SIDT1: variants seen among roughly 807,000 people sequenced by gnomAD.
SIDT1 encodes the protein SID1 transmembrane family member 1.
A neutral mutation model predicts 107.5 loss-of-function variants in SIDT1; 101 were observed. The observed-to-expected ratio is 0.94, with a 90% CI of 0.80 to 1.11. The LOEUF is 1.11. SIDT1 is among the 50% of genes least tolerant of loss of function. The probability of loss-of-function intolerance (pLI) is 0.00; values close to 1 mark genes in which losing one functional copy is unlikely to be tolerated. For missense variants in SIDT1, 1,076 were observed against 1,058.2 expected, an observed-to-expected ratio of 1.02 and a Z score of -0.23; for synonymous variants, 395 against 398.2, an observed-to-expected ratio of 0.99 and a Z score of 0.10.
At chr3:113,553,656 A>G (rs2107671596) in intron 1 of SIDT1, among the ~76,000 whole-genome samples, 1 of 152,358 alleles carries the variant, frequency 6.6e-6, no homozygotes, top group Non-Finnish European at 1.5e-5. Flanking sequence ...GCACATTCAG[A>G]TACCTGCGAG....
chr3:113,609,617 A>G (rs555241735), intron 17 of SIDT1, among the ~76,000 whole-genome samples: 3 of 152,358 alleles, frequency 2.0e-5, no homozygotes, highest in African/African-American at 7.2e-5. Flanking sequence ...CTGTCTAGCA[A>G]GTAACGATGT....
intron 3 of SIDT1, among the ~76,000 whole-genome samples, chr3:113,576,055 TAA>T (rs1308434356): frequency 6.6e-6 from 1 of 152,188 alleles, no homozygotes; most frequent in African/African-American, 2.4e-5. Context: ...GTAGTCCTTA[TAA>T]AACTATAGAG....
chr3:113,567,593 A>T lies in SIDT1; in HGVS notation c.398A>T (p.Glu133Val), dbSNP rs765828384. Residue 133 changes from glutamate (E) to valine (V), a missense_variant, in exon 3 of 25, where the codon GAA becomes GTA. By Grantham distance (121) the Glu-to-Val change is moderately radical (BLOSUM62 -2). Coordinates refer to ENST00000264852, the MANE Select transcript of SIDT1 (RefSeq NM_017699.3). ...QEVSRTLCPS[E>V]ATNETGPLQQ... Reference sequence around the variant, plus strand: ...GTGAGCCGCACCTTATGTCCCTCAGAAGCAACCAATGAGACGGGACCCTTG... The same window carrying T: ...GTGAGCCGCACCTTATGTCCCTCAGTAGCAACCAATGAGACGGGACCCTTG... 2 of 1,614,130 alleles carry T rather than the reference A, an allele frequency of 1.2e-6. No homozygotes were observed. Among genetic ancestry groups the T allele is most frequent in the Admixed American group, 1.7e-5 (1 of 60,014 alleles).
At chr3:113,613,782 T>C (rs995404010) in intron 19 of SIDT1, among the ~76,000 whole-genome samples, 3 of 152,208 alleles carry the variant, frequency 2.0e-5, no homozygotes, top group Non-Finnish European at 2.9e-5. Context: ...CACTAATACA[T>C]AGAGGAGCTT....
chr3:113,559,239 C>G (rs1046951173), intron 1 of SIDT1, among the ~76,000 whole-genome samples: 2 of 152,204 alleles, frequency 1.3e-5, no homozygotes, highest in Non-Finnish European at 2.9e-5. Flanking sequence ...GTGAACTCAT[C>G]TTCAACTGTA....
intron 12 of SIDT1, among the ~76,000 whole-genome samples, chr3:113,603,500 C>T (rs62265529): frequency 0.2 from 29,915 of 152,110 alleles, 3,051 homozygotes; most frequent in Non-Finnish European, 0.21. Context: ...TGCATATCAT[C>T]TTTCAAAAGG....
intron 14 of SIDT1, 137 bp from the exon 15 acceptor site, chr3:113,606,904 C>T: frequency 1.7e-6 from 1 of 593,630 alleles, no homozygotes; most frequent in South Asian, 2.5e-5. Context: ...AATGGCCCAT[C>T]TGTGCAGAGG....
intron 10 of SIDT1, among the ~76,000 whole-genome samples, chr3:113,595,277 T>G (rs1158695745): frequency 6.6e-6 from 1 of 152,128 alleles, no homozygotes; most frequent in African/African-American, 2.4e-5. Context: ...TTGGGACAAC[T>G]AAAAATGCCT....
intron 1 of SIDT1, among the ~76,000 whole-genome samples, chr3:113,552,581 C>T (rs1047865689): frequency 2.0e-5 from 3 of 152,152 alleles, no homozygotes; most frequent in South Asian, 2.1e-4. Context: ...AGGGAGACTA[C>T]GCTGCAGGAA....
At chr3:113,615,092 C>T in intron 19 of SIDT1, 1 of 1,535,598 alleles carries the variant, frequency 6.5e-7, no homozygotes. Flanking sequence ...TGTTCAGCCA[C>T]CCTTTCCAGG....
chr3:113,541,066 C>T lies in SIDT1; in HGVS notation c.222+7823C>T, dbSNP rs563662579. ...GCATTGTTAGAGTATATAGCCATTA[C>T]GAGCTATATTGTCTTCCTTCTAACC... On this transcript the variant is annotated intron_variant, in intron 1 of 24. Transcript: ENST00000264852. 4.0e-5 allele frequency among the ~76,000 whole-genome samples: 6 copies of T among 151,708 alleles called. No individual in the cohort carries two copies. In the South Asian group the frequency reaches 6.2e-4, roughly 16 times the overall value.
At chr3:113,604,801 G>T in intron 13 of SIDT1, 109 bp from the exon 14 acceptor site, 4 of 1,285,996 alleles carry the variant, frequency 3.1e-6, no homozygotes, top group Admixed American at 1.8e-5. Context: ...GGTTACTTTT[G>T]CAAGTTAATT....
In SIDT1 at chr3:113,534,090, A is replaced by G. The variant is rs185744182; in HGVS notation, c.222+847A>G. On this transcript the variant is annotated intron_variant, in intron 1 of 24. Coordinates refer to ENST00000264852, the MANE Select transcript of SIDT1 (RefSeq NM_017699.3). ...GAGAGGGAGACAGAGAGAGAAAGAGAGAAAGAGAGACAGAGACAGAGACAG... is the reference window on the plus strand; with the variant it reads ...GAGAGGGAGACAGAGAGAGAAAGAGGGAAAGAGAGACAGAGACAGAGACAG... 4.6e-5 allele frequency among the ~76,000 whole-genome samples: 7 copies of G among 152,250 alleles called. No homozygotes were observed. In the East Asian group the frequency reaches 1.2e-3, roughly 25 times the overall value.
Position 113,608,225 on chromosome 3 carries a change from A to G in SIDT1, c.1602+8A>G. ...AAGGACATCTTTGCTGTGGTGAGGAAAGAGTGGGTAGGAGCTAGGAAGGGT... is the reference window on the plus strand; with the variant it reads ...AAGGACATCTTTGCTGTGGTGAGGAGAGAGTGGGTAGGAGCTAGGAAGGGT... On this transcript the variant is annotated splice_region_variant and intron_variant, in intron 16 of 24. Transcript: ENST00000264852. 1 of 1,580,644 alleles carries G rather than the reference A, an allele frequency of 6.3e-7. No homozygotes were observed. The highest frequency in any genetic ancestry group is 8.6e-7 in the Non-Finnish European group (1 of 1,163,012).
Position 113,567,639 on chromosome 3 carries a change from T to C in SIDT1, c.444T>C (p.Asp148=), listed in dbSNP as rs1248859743. 1.2e-6 allele frequency: 2 copies of C among 1,614,122 alleles called. No homozygotes were observed. Among genetic ancestry groups the C allele is most frequent in the African/African-American group, 1.3e-5 (1 of 75,022 alleles). The change falls in exon 3 of 25, where the codon GAT becomes GAC. Residue 148 remains aspartate, a synonymous_variant. Coordinates refer to ENST00000264852, the MANE Select transcript of SIDT1 (RefSeq NM_017699.3). The stretch of plus-strand genomic sequence containing the variant: ...CCTTGCAGCAACTGATATTTGTAGA[T>C]GTCGCATCCATGGCACCCCTGGGTG... ...TGPLQQLIFV[D]VASMAPLGAQ...
At position 113,627,668 on chromosome 3, in the gene SIDT1, A is replaced by T. The variant is rs747144303; in HGVS notation, c.2444A>T (p.Asp815Val). 2.2e-5 allele frequency: 36 copies of T among 1,613,814 alleles called. No individual in the cohort carries two copies. In the East Asian group the frequency reaches 7.8e-4, roughly 35 times the overall value. Residue 815 changes from aspartate (D) to valine (V), a missense_variant, in exon 25 of 25, where the codon GAC becomes GTC. Transcript: ENST00000264852. ...CAGGTTTTGTTAACTTTGGATGATG[A>T]CCTTGATGTGGTTCGGAGAGACCAG... ...SFLVLLTLDD[D>V]LDVVRRDQIP...
intron 3 of SIDT1, among the ~76,000 whole-genome samples, chr3:113,569,978 T>C (rs1328461017): frequency 6.6e-6 from 1 of 152,204 alleles, no homozygotes; most frequent in Admixed American, 6.5e-5. Flanking sequence ...TGATCTTGGT[T>C]CACTGCAACC....
intron 3 of SIDT1, among the ~76,000 whole-genome samples, chr3:113,569,072 G>T (rs1416796214): frequency 6.8e-6 from 1 of 147,450 alleles, no homozygotes; most frequent in Admixed American, 6.9e-5. Context: ...CTGGGAGGTG[G>T]AGGTTGCAGT....
Position 113,628,952 on chromosome 3 carries a change from GTC to G in SIDT1, c.*1246_*1247del, listed in dbSNP as rs1553819640. The G allele has an allele frequency of 9.2e-5, 14 of 152,230 alleles. No individual in the cohort carries two copies. The highest frequency in any genetic ancestry group is 1.9e-4 in the Non-Finnish European group (13 of 68,068). 9.4% of individuals were successfully genotyped at this position (152,230 alleles called of 1,614,324 possible). On this transcript the variant is annotated 3_prime_UTR_variant, in exon 25 of 25. Transcript: ENST00000264852. The stretch of plus-strand genomic sequence containing the variant: ...AGCATCTGGGTTCCACTCTCACACT[GTC>G]TGGCAGCTCTGTGTCTGAGAAGTTC...
Sources: gnomAD v4.1 joint callset for allele counts (sites outside exome capture counted in the v4.1 genomes callset) on GRCh38, gnomAD v4.1.1 for gene constraint, MANE v1.5 for transcripts, NCBI Gene and HGNC (gene_info 2026-07-23, HGNC 2026-07-21) for gene names.